The following GET1 variants were observed in gnomAD, a reference collection of about 807,000 sequenced individuals.
The protein encoded by GET1 is congenital heart disease 5 protein.
GET1 carries 20 observed loss-of-function variants against 22.6 expected under a neutral mutation model. That is an observed-to-expected ratio of 0.89 (90% CI 0.62 to 1.29). The LOEUF (loss-of-function observed/expected upper bound fraction) is 1.29. Among genes scored for constraint, GET1 ranks in the 50% most tolerant of loss-of-function variants. The probability of loss-of-function intolerance (pLI) is 0.00; values close to 1 mark genes in which losing one functional copy is unlikely to be tolerated. For missense variants in GET1, 209 were observed against 219.9 expected (o/e 0.95, Z 0.31); for synonymous variants, 92 against 83.8 (o/e 1.10, Z -0.53).
chr21:39,385,243 G>A (rs1340692856), intron 1 of GET1, among the ~76,000 whole-genome samples: 1 of 152,170 alleles, frequency 6.6e-6, no homozygotes, highest in East Asian at 1.9e-4. Flanking sequence ...CTTAGCAGAA[G>A]TTAGGGAGGC....
At chr21:39,409,799 G>A (rs1188874712), downstream of GET1, among the ~76,000 whole-genome samples, 1 of 152,114 alleles carries the variant, frequency 6.6e-6, no homozygotes, top group Admixed American at 6.5e-5. This position sits in a 1 kb window ranked among gnomAD's most constrained non-coding sequence, Gnocchi z 4.2. Context: ...TCACCATGTT[G>A]GCCAGGCTGG....
chr21:39,422,792 C>T, intron 1 of GET1: 3 of 605,290 alleles, frequency 5.0e-6, no homozygotes, highest in Non-Finnish European at 8.6e-6. Flanking sequence ...TGAGCTGCTT[C>T]TGTTTTTCCT....
rs1039630538 is a variant in GET1 at position 39,390,761 on chromosome 21, A to G, written c.166A>G (p.Met56Val). The G allele has an allele frequency of 3.1e-6, 5 of 1,614,096 alleles. No homozygotes were observed. The Admixed American group carries it at 8.3e-5, about 27-fold the overall frequency. ...ESQMRAEIQD[M>V]KQELSTVNMM... ...ACAGATGAGAGCGGAGATCCAGGAC[A>G]TGAAGCAGGAGCTCTCCACAGTCAA... Residue 56 changes from methionine (M) to valine (V), a missense_variant, in exon 2 of 5, where the codon ATG becomes GTG. Met to Val is a conservative substitution (Grantham distance 21, BLOSUM62 1). Transcript: ENST00000649170.
intron 4 of GET1, among the ~76,000 whole-genome samples, chr21:39,405,367 T>C (rs148914638): frequency 3.0e-4 from 46 of 152,000 alleles, no homozygotes; most frequent in African/African-American, 1.1e-3. Context: ...CTAATTCTTA[T>C]AATTTTTGTA....
chr21:39,391,572 G>C (rs1355463309), intron 2 of GET1, 197 bp from the exon 3 acceptor site: 1 of 564,446 alleles, frequency 1.8e-6, no homozygotes, highest in Non-Finnish European at 3.1e-6. Flanking sequence ...ATCTGAGTCG[G>C]ATACTATTTT....
chr21:39,403,654 C>T (rs905954591), intron 4 of GET1, among the ~76,000 whole-genome samples: 3 of 150,972 alleles, frequency 2.0e-5, no homozygotes, highest in African/African-American at 4.9e-5. Context: ...TGGAGTCTCA[C>T]TCTGTCGCCC....
chr21:39,403,264 C>CT (rs2038883268), intron 4 of GET1, among the ~76,000 whole-genome samples: 1 of 152,188 alleles, frequency 6.6e-6, no homozygotes, highest in Admixed American at 6.6e-5. Flanking sequence ...TTCCACCTTG[C>CT]TTTTCATAAA....
chr21:39,387,942 T>G, intron 1 of GET1: 1 of 801,934 alleles, frequency 1.2e-6, no homozygotes, highest in African/African-American at 1.9e-5. Flanking sequence ...TCTTTATTAA[T>G]CTATTTTTAA....
chr21:39,394,301 G>T (rs1392621559), intron 4 of GET1, among the ~76,000 whole-genome samples: 1 of 152,142 alleles, frequency 6.6e-6, no homozygotes, highest in African/African-American at 2.4e-5. Context: ...CCCAGCCTGG[G>T]TGACAGAGTG....
exon 5 of GET1, chr21:39,406,466 G>A: frequency 4.3e-6 from 7 of 1,613,852 alleles, no homozygotes; most frequent in Non-Finnish European, 5.9e-6. Context: ...CTTTCAGGAT[G>A]AATAACTTCA....
At chr21:39,405,792 C>G (rs2039006545) in intron 4 of GET1, 1 of 997,734 alleles carries the variant, frequency 1.0e-6, no homozygotes, top group Non-Finnish European at 1.4e-6. Context: ...CACATACATA[C>G]ACTCCCTCTC....
intron 1 of GET1, among the ~76,000 whole-genome samples, chr21:39,388,446 G>A (rs148324648): frequency 1.2e-4 from 18 of 152,290 alleles, no homozygotes; most frequent in Non-Finnish European, 1.9e-4. Flanking sequence ...TGCATTTCCC[G>A]GCCTCTAGCC....
intron 1 of GET1, among the ~76,000 whole-genome samples, chr21:39,426,452 A>G (rs2074723051): frequency 6.6e-6 from 1 of 152,188 alleles, no homozygotes; most frequent in Admixed American, 6.5e-5. Context: ...TAGATTCAAG[A>G]TCTCTTATTG....
At chr21:39,396,741 C>T in intron 4 of GET1, 125 bp from the exon 5 acceptor site, 3 of 713,176 alleles carry the variant, frequency 4.2e-6, no homozygotes, top group Admixed American at 3.0e-5. Flanking sequence ...ACATAAACTT[C>T]ACTTCAGCCC....
At chr21:39,391,522 C>T (rs573109416) in intron 2 of GET1, 3 of 436,138 alleles carry the variant, frequency 6.9e-6, no homozygotes, top group Non-Finnish European at 1.2e-5. Flanking sequence ...TTTCATGAGT[C>T]GTTTTAAGAG....
At chr21:39,416,679 C>T (rs1034654611) in intron 1 of GET1, among the ~76,000 whole-genome samples, 1 of 151,870 alleles carries the variant, frequency 6.6e-6, no homozygotes, top group African/African-American at 2.4e-5. Context: ...TTTGTCCATC[C>T]CCCAAATCCC....
intron 1 of GET1, among the ~76,000 whole-genome samples, chr21:39,382,374 A>G (rs1041283549): frequency 6.6e-6 from 1 of 151,974 alleles, no homozygotes; most frequent in East Asian, 1.9e-4. Flanking sequence ...AACTTTTTTT[A>G]TCTCCTCTAA....
intron 1 of GET1, among the ~76,000 whole-genome samples, chr21:39,382,217 G>A (rs560142491): frequency 9.2e-5 from 14 of 151,770 alleles, no homozygotes; most frequent in African/African-American, 3.1e-4. Flanking sequence ...ACCATGCCCG[G>A]CTAATTTTTG....
In GET1 at chr21:39,397,257, C is replaced by T. The variant is rs2147010910; in HGVS notation, c.*318C>T. ...GATTTGCCCTCTTATGTATTTTGGTCATATTGCCAACTGGAAAGTCAAAAT... is the reference window on the plus strand; with the variant it reads ...GATTTGCCCTCTTATGTATTTTGGTTATATTGCCAACTGGAAAGTCAAAAT... On this transcript the variant is annotated 3_prime_UTR_variant, in exon 5 of 5. Coordinates refer to ENST00000649170, the MANE Select transcript of GET1 (RefSeq NM_004627.6). The T allele has an allele frequency of 4.3e-6, 1 of 234,396 alleles. No individual in the cohort carries two copies. The highest frequency in any genetic ancestry group is 2.2e-5 in the African/African-American group (1 of 44,452). 14.5% of individuals were successfully genotyped at this position (234,396 alleles called of 1,614,324 possible).
Sources: gnomAD v4.1 joint callset for allele counts (sites outside exome capture counted in the v4.1 genomes callset) on GRCh38, gnomAD v4.1.1 for gene constraint, Gnocchi (gnomAD v3.1) non-coding constraint, MANE v1.5 for transcripts, NCBI Gene and HGNC (gene_info 2026-07-23, HGNC 2026-07-21) for gene names.